GRM3: variants seen among roughly 807,000 people sequenced by gnomAD.
The protein encoded by GRM3 is glutamate metabotropic receptor 3, also known as metabotropic glutamate receptor 3.
GRM3 carries 26 observed loss-of-function variants against 70.5 expected under a neutral mutation model. The observed-to-expected ratio is 0.37, with a 90% CI of 0.27 to 0.51. The LOEUF is 0.51. GRM3 is among the 20% of genes least tolerant of loss of function. GRM3 has a pLI of 0.93. For synonymous variants in GRM3, 443 were observed against 434.9 expected, an observed-to-expected ratio of 1.02 and a Z score of -0.23; for missense variants, 859 against 1,123.8, an observed-to-expected ratio of 0.76 and a Z score of 3.37.
chr7:86,856,371 G>C (rs1241514566), intron 5 of GRM3, among the ~76,000 whole-genome samples: 4 of 151,468 alleles, frequency 2.6e-5, no homozygotes, highest in Non-Finnish European at 5.9e-5. Context: ...GCTTGAACCC[G>C]GGAGGTGGAG....
At chr7:86,761,644 G>C (rs928570928) in intron 1 of GRM3, among the ~76,000 whole-genome samples, 4 of 152,062 alleles carry the variant, frequency 2.6e-5, no homozygotes, top group African/African-American at 9.7e-5. Flanking sequence ...TACTATACCA[G>C]AACGTAAACA....
intron 2 of GRM3, among the ~76,000 whole-genome samples, chr7:86,782,519 T>C (rs1302485904): frequency 6.6e-6 from 1 of 152,218 alleles, no homozygotes; most frequent in Non-Finnish European, 1.5e-5. Flanking sequence ...TCCTGCCACA[T>C]CTTCTCCTGA....
At position 86,765,357 on chromosome 7, in the gene GRM3, C is replaced by T; in HGVS notation, c.212C>T (p.Ala71Val). Residue 71 changes from alanine to valine, a missense_variant, in exon 2 of 6, where the codon GCC (alanine) becomes GTC (valine). Transcript: ENST00000361669. ...NEDRGIQRLEAMLFAIDEINK... is the reference protein window; with the variant it reads ...NEDRGIQRLEVMLFAIDEINK... The stretch of plus-strand genomic sequence containing the variant: ...GACCGAGGGATTCAACGCCTGGAAG[C>T]CATGTTGTTTGCTATTGATGAAATC... 1 of 1,613,894 alleles carries T rather than the reference C, an allele frequency of 6.2e-7. No homozygotes were observed. Among genetic ancestry groups the T allele is most frequent in the South Asian group, 1.1e-5 (1 of 91,066 alleles).
intron 1 of GRM3, among the ~76,000 whole-genome samples, chr7:86,714,672 A>C (rs1185111930): frequency 6.6e-6 from 1 of 152,060 alleles, no homozygotes; most frequent in Non-Finnish European, 1.5e-5. Context: ...TAAAGATTCA[A>C]TTTATTATCT....
intron 1 of GRM3, among the ~76,000 whole-genome samples, chr7:86,661,072 G>T (rs1452120340): frequency 6.6e-6 from 1 of 151,870 alleles, no homozygotes; most frequent in Non-Finnish European, 1.5e-5. Context: ...ACAGCATCAT[G>T]GTCTCTTATC....
At chr7:86,720,355 C>A (rs1017819845) in intron 1 of GRM3, among the ~76,000 whole-genome samples, 1 of 151,774 alleles carries the variant, frequency 6.6e-6, no homozygotes, top group Non-Finnish European at 1.5e-5. Context: ...ACTTCAGGTA[C>A]CAGCAAGGCA....
Position 86,659,581 on chromosome 7 carries a change from T to A in GRM3, c.-141+14709T>A, listed in dbSNP as rs190686453. Among the ~76,000 whole-genome samples the A allele has an allele frequency of 2.0e-5, 3 of 152,238 alleles. No individual in the cohort carries two copies. In the East Asian group the frequency reaches 5.8e-4, roughly 29 times the overall value. ...AAATGTAAACTATGCAAAAAACAGT[T>A]GGAATAACTGTCTCATATTCCTTGA... On this transcript the variant is annotated intron_variant, in intron 1 of 5. Coordinates refer to ENST00000361669, the MANE Select transcript of GRM3 (RefSeq NM_000840.3).
At chr7:86,681,314 A>G (rs1794435134) in intron 1 of GRM3, among the ~76,000 whole-genome samples, 1 of 152,186 alleles carries the variant, frequency 6.6e-6, no homozygotes, top group African/African-American at 2.4e-5. Context: ...GGGGATCTCC[A>G]TACTGGCCAA....
At chr7:86,828,632 C>T (rs1259706926) in intron 3 of GRM3, among the ~76,000 whole-genome samples, 2 of 152,130 alleles carry the variant, frequency 1.3e-5, no homozygotes, top group Non-Finnish European at 2.9e-5. Flanking sequence ...AACAATCATC[C>T]CAGCCTTTAG....
chr7:86,783,012 G>A (rs974506973), intron 2 of GRM3, among the ~76,000 whole-genome samples: 13 of 152,020 alleles, frequency 8.6e-5, no homozygotes, highest in Admixed American at 2.6e-4. Context: ...TCAAAATGAT[G>A]TCCAGTGTAG....
At chr7:86,653,171 A>T (rs1793649338) in intron 1 of GRM3, among the ~76,000 whole-genome samples, 1 of 152,128 alleles carries the variant, frequency 6.6e-6, no homozygotes, top group Admixed American at 6.6e-5. Flanking sequence ...GAGGAAGAGG[A>T]GGTGCTCTGG....
chr7:86,706,579 G>C (rs1584181439), intron 1 of GRM3, among the ~76,000 whole-genome samples: 1 of 151,976 alleles, frequency 6.6e-6, no homozygotes, highest in African/African-American at 2.4e-5. Flanking sequence ...AAATCAAGGA[G>C]ATGACACTAA....
intron 1 of GRM3, among the ~76,000 whole-genome samples, chr7:86,645,909 T>C (rs1042906534): frequency 4.7e-5 from 7 of 149,100 alleles, no homozygotes; most frequent in African/African-American, 1.7e-4. Context: ...GTACCAACAA[T>C]AGTTCCTTAG....
intron 1 of GRM3, among the ~76,000 whole-genome samples, chr7:86,663,681 T>C (rs1005026961): frequency 1.3e-5 from 2 of 151,966 alleles, no homozygotes; most frequent in Admixed American, 6.6e-5. Flanking sequence ...AGGCTTTAGA[T>C]ACATCGTTAA....
rs1399615366 is a variant in GRM3, at chr7:86,786,242, CT to C, written c.469-17del. 1 of 1,592,790 alleles carries C rather than the reference CT, an allele frequency of 6.3e-7. No individual in the cohort carries two copies. Among genetic ancestry groups the C allele is most frequent in the Non-Finnish European group, 8.6e-7 (1 of 1,168,586 alleles). On this transcript the variant is annotated intron_variant, in intron 2 of 5. Transcript: ENST00000361669. This position sits in a 1 kb window ranked among gnomAD's most constrained non-coding sequence, Gnocchi z 6.0. ...TACCTCGGGGTTTCTAACAAAGGTCCTTCTTCTCCCTCCCCTAGGTGGCAAA... is the reference window on the plus strand; with the variant it reads ...TACCTCGGGGTTTCTAACAAAGGTCCTCTTCTCCCTCCCCTAGGTGGCAAA...
chr7:86,772,812 C>T (rs76947366), intron 2 of GRM3, among the ~76,000 whole-genome samples: 2,661 of 152,098 alleles, frequency 0.017, 62 homozygotes, highest in African/African-American at 0.061. Flanking sequence ...ATGATAGTTG[C>T]ATTTAGGGAG....
chr7:86,726,724 T>A (rs1170829097), intron 1 of GRM3, among the ~76,000 whole-genome samples: 2 of 152,218 alleles, frequency 1.3e-5, no homozygotes, highest in African/African-American at 4.8e-5. Flanking sequence ...ATGAAAGCAC[T>A]AAGAACTTCT....
chr7:86,815,495 A>G (rs755691885), intron 3 of GRM3, among the ~76,000 whole-genome samples: 2 of 151,950 alleles, frequency 1.3e-5, no homozygotes, highest in Non-Finnish European at 2.9e-5. Flanking sequence ...TACAAAAGAA[A>G]GTAAGGGTAG....
chr7:86,813,230 T>C (rs1231745375), intron 3 of GRM3, among the ~76,000 whole-genome samples: 1 of 151,818 alleles, frequency 6.6e-6, no homozygotes, highest in Non-Finnish European at 1.5e-5. Context: ...CATATCAGCC[T>C]TTTAGCAGTT....
Sources: allele counts gnomAD v4.1 joint callset (sites outside exome capture counted in the v4.1 genomes callset), GRCh38; gene constraint gnomAD v4.1.1; non-coding constraint Gnocchi (gnomAD v3.1); transcripts MANE v1.5; gene names NCBI Gene and HGNC (gene_info 2026-07-23, HGNC 2026-07-21).